The following MCC variants were observed in gnomAD, a reference collection of about 807,000 sequenced individuals.
The protein encoded by MCC is MCC regulator of Wnt signaling pathway.
A neutral mutation model predicts 116.2 loss-of-function variants in MCC; 90 were observed. The observed-to-expected ratio is 0.77, with a 90% CI of 0.65 to 0.92. MCC has a LOEUF of 0.92. Among genes scored for constraint, MCC ranks in the 40% least tolerant of loss-of-function variants. The probability of loss-of-function intolerance (pLI) is 0.00; values close to 1 mark genes in which losing one functional copy is unlikely to be tolerated. For synonymous variants in MCC, 578 were observed against 510.5 expected, an observed-to-expected ratio of 1.13 and a Z score of -1.78; for missense variants, 1,516 against 1,312.2, an observed-to-expected ratio of 1.16 and a Z score of -2.40.
At chr5:113,111,441 G>A (rs6898395) in intron 6 of MCC, among the ~76,000 whole-genome samples, 151,365 of 152,336 alleles carry the variant, frequency 0.99, 75,213 homozygotes, top group Non-Finnish European at 1. Flanking sequence ...GCACCTGGCC[G>A]GGGTGGGTTC....
chr5:113,394,675 G>A (rs767210219), intron 1 of MCC, among the ~76,000 whole-genome samples: 6 of 152,126 alleles, frequency 3.9e-5, no homozygotes, highest in Non-Finnish European at 7.3e-5. Context: ...CTTGAACAGC[G>A]TCTCCTTCAG....
At chr5:113,442,841 C>G (rs1258293320) in intron 1 of MCC, among the ~76,000 whole-genome samples, 1 of 152,166 alleles carries the variant, frequency 6.6e-6, no homozygotes, top group Non-Finnish European at 1.5e-5. Flanking sequence ...GGCCTCTGTT[C>G]TGTTCCATTG....
chr5:113,400,657 T>C lies in MCC; in HGVS notation c.171-15445A>G, dbSNP rs113013182. Reference sequence around the variant, plus strand: ...TACAAAGTATTTTAGATATATTTTTTCATTTAATTCTCACAATAGCAGATC... The same window carrying C: ...TACAAAGTATTTTAGATATATTTTTCCATTTAATTCTCACAATAGCAGATC... On this transcript the variant is annotated intron_variant, in intron 1 of 18. Coordinates refer to ENST00000408903, the MANE Select transcript of MCC (RefSeq NM_001085377.2). 2.1e-3 allele frequency among the ~76,000 whole-genome samples: 319 copies of C among 152,376 alleles called. 6 individuals carry two copies. Among genetic ancestry groups the C allele is most frequent in the African/African-American group, 6.9e-3 (289 of 41,592 alleles).
intron 3 of MCC, among the ~76,000 whole-genome samples, chr5:113,216,189 G>GC (rs55910144): frequency 0.1 from 15,419 of 152,182 alleles, 1,286 homozygotes; most frequent in Admixed American, 0.25. Flanking sequence ...CATATACCCT[G>GC]CAAAAACTGT....
At chr5:113,433,855 C>A (rs374009361) in intron 1 of MCC, 1 of 1,614,012 alleles carries the variant, frequency 6.2e-7, no homozygotes, top group Admixed American at 1.7e-5. Context: ...GCTGTCCCCT[C>A]GGGTTTTGTC....
intron 2 of MCC, among the ~76,000 whole-genome samples, chr5:113,374,608 C>A (rs147973296): frequency 6.6e-6 from 1 of 152,078 alleles, no homozygotes; most frequent in African/African-American, 2.4e-5. Context: ...GTTAATTCTA[C>A]GCCATATTTG....
intron 1 of MCC, among the ~76,000 whole-genome samples, chr5:113,475,804 A>T (rs1358341207): frequency 6.6e-6 from 1 of 152,186 alleles, no homozygotes; most frequent in Non-Finnish European, 1.5e-5. Flanking sequence ...TAAAAAGTAA[A>T]GGACTTTAAG....
intron 1 of MCC, among the ~76,000 whole-genome samples, chr5:113,441,276 AG>A (rs1357587185): frequency 4.6e-5 from 7 of 152,184 alleles, no homozygotes; most frequent in African/African-American, 1.4e-4. Flanking sequence ...CGGAGGTTAC[AG>A]TGAGCCCAGA....
At position 113,447,787 on chromosome 5, in the gene MCC, T is replaced by A. The variant is rs571582821; in HGVS notation, c.170+40458A>T. Among the ~76,000 whole-genome samples the A allele has an allele frequency of 6.6e-5, 10 of 152,238 alleles. No individual in the cohort carries two copies. The East Asian group carries it at 1.7e-3, about 26-fold the overall frequency. On this transcript the variant is annotated intron_variant, in intron 1 of 18. Transcript: ENST00000408903. ...ATGCTGCCTCTTAGACTGTTCAACATATGGGGCCTCTGCATTGATGCCAAA... is the reference window on the plus strand; with the variant it reads ...ATGCTGCCTCTTAGACTGTTCAACAAATGGGGCCTCTGCATTGATGCCAAA...
chr5:113,390,881 T>C lies in MCC; in HGVS notation c.171-5669A>G, dbSNP rs949377338. On this transcript the variant is annotated intron_variant, in intron 1 of 18. Transcript: ENST00000408903. ...TGCTCATGAAAGACTACAAAAAACA[T>C]CTAAAAACTTATTTTGCCCCAAATC... Among the ~76,000 whole-genome samples, 5 of 152,268 alleles carry C rather than the reference T, an allele frequency of 3.3e-5. No individual in the cohort carries two copies. The East Asian group carries it at 7.7e-4, about 23-fold the overall frequency.
chr5:113,369,594 T>C (rs934949809), intron 2 of MCC, among the ~76,000 whole-genome samples: 1 of 152,194 alleles, frequency 6.6e-6, no homozygotes, highest in African/African-American at 2.4e-5. Flanking sequence ...CTCTATCTTT[T>C]ATTTTAGAGG....
intron 17 of MCC, among the ~76,000 whole-genome samples, chr5:113,031,027 C>T (rs974684593): frequency 2.0e-5 from 3 of 152,204 alleles, no homozygotes; most frequent in Admixed American, 2.0e-4. Context: ...TGTTCAGACC[C>T]TGGTTCTCCT....
At chr5:113,294,388 T>C (rs772629504) in intron 3 of MCC, 4 of 1,613,634 alleles carry the variant, frequency 2.5e-6, no homozygotes, top group Admixed American at 1.7e-5. Flanking sequence ...GAATTCATGA[T>C]GCACTTTTCA....
In MCC at chr5:113,064,153, C is replaced by CCCCCGACTGGTCTCCTATGTGG; in HGVS notation, c.2030-8_2043dup (p.Asp682ProfsTer9). On this transcript the variant is annotated frameshift_variant, in exon 14 of 19. Coordinates refer to ENST00000408903, the MANE Select transcript of MCC (RefSeq NM_001085377.2). LOFTEE classifies it high-confidence loss of function. Reference sequence around the variant, plus strand: ...TTGAGCATCTGAGTGATGTTTTCATCCCCCGACTGGTCTCCTATGTGGCAG... The same window carrying CCCCCGACTGGTCTCCTATGTGG: ...TTGAGCATCTGAGTGATGTTTTCATCCCCCGACTGGTCTCCTATGTGGCCCCGACTGGTCTCCTATGTGGCAG... 6.2e-7 allele frequency: 1 copy of CCCCCGACTGGTCTCCTATGTGG among 1,611,692 alleles called. No homozygotes were observed. The highest frequency in any genetic ancestry group is 8.5e-7 in the Non-Finnish European group (1 of 1,178,554).
chr5:113,059,645 G>A (rs535309766), intron 14 of MCC, among the ~76,000 whole-genome samples: 1 of 152,260 alleles, frequency 6.6e-6, no homozygotes, highest in South Asian at 2.1e-4. Context: ...CCACACATGT[G>A]TGTCTTGCTC....
chr5:113,083,226 G>A (rs1006975553), intron 10 of MCC, among the ~76,000 whole-genome samples: 3 of 152,100 alleles, frequency 2.0e-5, no homozygotes, highest in African/African-American at 7.2e-5. Flanking sequence ...TCAAAATATG[G>A]CTCCTTCCCC....
chr5:113,182,164 T>C (rs890584133), intron 3 of MCC, among the ~76,000 whole-genome samples: 1 of 152,230 alleles, frequency 6.6e-6, no homozygotes, highest in Admixed American at 6.5e-5. Flanking sequence ...CCCCCACCAA[T>C]GAAATGCTTT....
chr5:113,178,404 A>T (rs968812717), intron 3 of MCC, among the ~76,000 whole-genome samples: 3 of 152,218 alleles, frequency 2.0e-5, no homozygotes, highest in Non-Finnish European at 4.4e-5. Context: ...TAGTTGAGGT[A>T]CTAGAAAACA....
At chr5:113,070,428 C>T (rs1305877623) in intron 12 of MCC, among the ~76,000 whole-genome samples, 1 of 152,140 alleles carries the variant, frequency 6.6e-6, no homozygotes, top group Non-Finnish European at 1.5e-5. Context: ...CAAATTACCA[C>T]TTGCTCACCA....
Sources: gnomAD v4.1 joint callset for allele counts (sites outside exome capture counted in the v4.1 genomes callset) on GRCh38, gnomAD v4.1.1 for gene constraint, MANE v1.5 for transcripts, NCBI Gene and HGNC (gene_info 2026-07-23, HGNC 2026-07-21) for gene names.